The following SS18L1 variants were observed in gnomAD, a reference collection of about 807,000 sequenced individuals.
The protein encoded by SS18L1 is SS18L1 subunit of BAF chromatin remodeling complex, also known as calcium-responsive transactivator.
Under a neutral mutation model 70.3 loss-of-function variants are expected in SS18L1, and 32 were observed. That is an observed-to-expected ratio of 0.46 (90% CI 0.34 to 0.61). The LOEUF (loss-of-function observed/expected upper bound fraction) is 0.61. Among genes scored for constraint, SS18L1 ranks in the 20% least tolerant of loss-of-function variants. SS18L1 has a pLI of 0.01. For synonymous variants in SS18L1, 237 were observed against 229.7 expected (o/e 1.03, Z -0.29); for missense variants, 430 against 542.1 (o/e 0.79, Z 2.05).
At position 62,179,393 on chromosome 20, in the gene SS18L1, C is replaced by T. The variant is rs533508282; in HGVS notation, c.*185C>T. 9 of 645,074 alleles carry T rather than the reference C, an allele frequency of 1.4e-5. No homozygotes were observed. The highest frequency in any genetic ancestry group is 2.7e-5 in the East Asian group (1 of 36,676). The allele number at this position is 645,074 out of a possible 1,614,324, so 40.0% of individuals were successfully genotyped here. A position where few individuals can be genotyped will look rare whatever the true frequency, so the allele number is the denominator to read the frequency against. On this transcript the variant is annotated 3_prime_UTR_variant, in exon 11 of 11. Coordinates refer to ENST00000331758, the MANE Select transcript of SS18L1 (RefSeq NM_198935.3). ...AGCGCACACCACTGGCGTGAGACAG[C>T]GCTTGGTGGTGTGATACTTTTGGTG...
chr20:62,177,233 G>A (rs1347403978), intron 10 of SS18L1, among the ~76,000 whole-genome samples: 8 of 151,896 alleles, frequency 5.3e-5, no homozygotes, highest in Middle Eastern at 6.8e-3. Flanking sequence ...AGCTGAGATC[G>A]CGCCATTGTA....
intron 10 of SS18L1, among the ~76,000 whole-genome samples, chr20:62,176,951 T>A (rs540377306): frequency 2.9e-4 from 44 of 152,336 alleles, no homozygotes; most frequent in African/African-American, 1.0e-3. Context: ...CTGCCGGCGC[T>A]GGGCGTCTCC....
intron 8 of SS18L1, among the ~76,000 whole-genome samples, chr20:62,165,778 G>C (rs909871022): frequency 1.3e-5 from 2 of 151,744 alleles, no homozygotes; most frequent in Non-Finnish European, 3.0e-5. Flanking sequence ...TTGGTTATTG[G>C]GTCCAGCCAG....
At chr20:62,153,235 A>G (rs1299918846) in intron 1 of SS18L1, among the ~76,000 whole-genome samples, 1 of 152,234 alleles carries the variant, frequency 6.6e-6, no homozygotes, top group Non-Finnish European at 1.5e-5. Context: ...GACAGCTCCC[A>G]TCCATCTAAT....
intron 4 of SS18L1, among the ~76,000 whole-genome samples, chr20:62,162,288 C>T (rs1219070318): frequency 6.6e-6 from 1 of 151,346 alleles, no homozygotes; most frequent in Admixed American, 6.6e-5. Context: ...CTAGCATGTA[C>T]GCTGCTTTGT....
At chr20:62,150,561 G>C (rs2057108296) in intron 1 of SS18L1, among the ~76,000 whole-genome samples, 1 of 145,482 alleles carries the variant, frequency 6.9e-6, no homozygotes, top group African/African-American at 2.5e-5. Context: ...TTCAATGTCT[G>C]TCCAAGCAGA....
chr20:62,173,565 C>T (rs979667127), intron 9 of SS18L1, among the ~76,000 whole-genome samples: 2 of 151,872 alleles, frequency 1.3e-5, no homozygotes, highest in African/African-American at 4.8e-5. Context: ...CAAAAATTAG[C>T]TGGGCATGGT....
chr20:62,150,866 G>A (rs2427262), intron 1 of SS18L1, among the ~76,000 whole-genome samples: 13,734 of 151,970 alleles, frequency 0.09, 2,108 homozygotes, highest in African/African-American at 0.31. Context: ...GTGCAGAGTC[G>A]GGAGGGGAGT....
At chr20:62,178,087 A>G (rs1568770358) in intron 10 of SS18L1, among the ~76,000 whole-genome samples, 3 of 140,638 alleles carry the variant, frequency 2.1e-5, no homozygotes, top group Non-Finnish European at 3.0e-5. Flanking sequence ...TGGCAGGAAC[A>G]TGGCTCACCG....
intron 9 of SS18L1, 44 bp downstream of exon 9, chr20:62,172,845 C>A: frequency 2.5e-6 from 4 of 1,601,822 alleles, no homozygotes. Flanking sequence ...GCGCCCACCC[C>A]TGCCCCTGCC....
At chr20:62,155,814 T>C (rs1394706776) in intron 1 of SS18L1, among the ~76,000 whole-genome samples, 1 of 152,170 alleles carries the variant, frequency 6.6e-6, no homozygotes, top group African/African-American at 2.4e-5. Flanking sequence ...TTGTTACTCA[T>C]CCATGTGCTT....
Position 62,164,196 on chromosome 20 carries a change from G to C in SS18L1, c.773G>C (p.Ser258Thr). Residue 258 changes from serine (S) to threonine (T), a missense_variant, in exon 7 of 11, where the codon AGC (serine) becomes ACC (threonine). By Grantham distance (58) the Ser-to-Thr change is moderately conservative. Coordinates refer to ENST00000331758, the MANE Select transcript of SS18L1 (RefSeq NM_198935.3). ...GAGGAGTACTATGGCGAGCAGTACA[G>C]CCACAGCCAGGGCGCCGCGGAGCCC... ...GQEEYYGEQYSHSQGAAEPMG... is the reference protein window; with the variant it reads ...GQEEYYGEQYTHSQGAAEPMG... 6.5e-7 allele frequency: 1 copy of C among 1,550,130 alleles called. No homozygotes were observed. Among genetic ancestry groups the C allele is most frequent in the Non-Finnish European group, 8.7e-7 (1 of 1,146,732 alleles).
At chr20:62,178,756 G>A (rs1426559200) in intron 10 of SS18L1, among the ~76,000 whole-genome samples, 12 of 152,220 alleles carry the variant, frequency 7.9e-5, no homozygotes, top group Non-Finnish European at 1.3e-4. Flanking sequence ...ATGTTGCCCA[G>A]CCTGGGTCTT....
intron 8 of SS18L1, among the ~76,000 whole-genome samples, chr20:62,170,329 C>T (rs1451342963): frequency 1.3e-5 from 2 of 152,176 alleles, no homozygotes; most frequent in African/African-American, 2.4e-5. Flanking sequence ...CACGGTGAAA[C>T]CCCGTCTCTA....
intron 1 of SS18L1, among the ~76,000 whole-genome samples, chr20:62,149,034 G>A (rs757811545): frequency 4.6e-5 from 7 of 152,244 alleles, no homozygotes; most frequent in Non-Finnish European, 8.8e-5. Context: ...TCGAGGCTCC[G>A]GCCCTTTGCG....
At position 62,163,443 on chromosome 20, in the gene SS18L1, T is replaced by G; in HGVS notation, c.557-15T>G. 1.2e-6 allele frequency: 2 copies of G among 1,611,728 alleles called. No homozygotes were observed. The highest frequency in any genetic ancestry group is 1.7e-6 in the Non-Finnish European group (2 of 1,179,786). ...GCTTCCCGGGGTGATGTGGGGCCTC[T>G]GTCCTGTCGTTCAGTCTCCATGATG... On this transcript the variant is annotated splice_polypyrimidine_tract_variant and intron_variant, in intron 5 of 10. Transcript: ENST00000331758.
At chr20:62,153,383 C>T (rs889225622) in intron 1 of SS18L1, among the ~76,000 whole-genome samples, 2 of 152,154 alleles carry the variant, frequency 1.3e-5, no homozygotes, top group African/African-American at 4.8e-5. Flanking sequence ...CTCCCAGAGG[C>T]GCTGTCTTGC....
chr20:62,166,917 C>CT (rs761981943), intron 8 of SS18L1, among the ~76,000 whole-genome samples: 10 of 149,674 alleles, frequency 6.7e-5, no homozygotes, highest in Non-Finnish European at 1.2e-4. Flanking sequence ...AAGAGTGAAA[C>CT]TTTGTCTCAA....
intron 8 of SS18L1, among the ~76,000 whole-genome samples, chr20:62,172,233 G>A (rs2057544401): frequency 6.6e-6 from 1 of 151,816 alleles, no homozygotes; most frequent in Non-Finnish European, 1.5e-5. Flanking sequence ...AGGCTGAAGT[G>A]AGAGGAACAC....
Sources: gnomAD v4.1 joint callset for allele counts (sites outside exome capture counted in the v4.1 genomes callset) on GRCh38, gnomAD v4.1.1 for gene constraint, MANE v1.5 for transcripts, NCBI Gene and HGNC (gene_info 2026-07-23, HGNC 2026-07-21) for gene names.